MTHFD1L: variants seen among roughly 807,000 people sequenced by gnomAD.
MTHFD1L encodes methylenetetrahydrofolate dehydrogenase (NADP+ dependent) 1 like.
A neutral mutation model predicts 119.5 loss-of-function variants in MTHFD1L; 81 were observed. The observed-to-expected ratio is 0.68, with a 90% CI of 0.57 to 0.82. The LOEUF (loss-of-function observed/expected upper bound fraction) is 0.82. MTHFD1L is among the 40% of genes least tolerant of loss of function. The pLI is 0.00. For synonymous variants in MTHFD1L, 430 were observed against 475.2 expected (o/e 0.90, Z 1.24); for missense variants, 1,125 against 1,253.4 (o/e 0.90, Z 1.55).
intron 6 of MTHFD1L, 77 bp from the exon 7 acceptor site, chr6:150,887,768 T>G (rs1782560216): frequency 6.9e-7 from 1 of 1,459,728 alleles, no homozygotes; most frequent in Non-Finnish European, 9.1e-7. Flanking sequence ...AAAAGGGTCT[T>G]TTTTTCTTAA....
At chr6:150,938,798 T>A in intron 13 of MTHFD1L, 53 bp downstream of exon 13, 1 of 1,560,158 alleles carries the variant, frequency 6.4e-7, no homozygotes, top group Non-Finnish European at 8.7e-7. Context: ...CTTCCTGACA[T>A]CTTGTCTCTG....
chr6:150,951,491 T>C (rs1180474199), intron 16 of MTHFD1L, among the ~76,000 whole-genome samples: 1 of 152,244 alleles, frequency 6.6e-6, no homozygotes, highest in Non-Finnish European at 1.5e-5. Context: ...ACTCTAGTTA[T>C]AACTTTAGTG....
chr6:150,935,426 G>A, intron 11 of MTHFD1L: 1 of 1,613,628 alleles, frequency 6.2e-7, no homozygotes, highest in African/African-American at 1.3e-5. Flanking sequence ...GTTAGCAATG[G>A]GTGAACTGAG....
chr6:150,944,439 C>T (rs1035621909), intron 13 of MTHFD1L, 47 bp from the exon 14 acceptor site: 63 of 1,402,622 alleles, frequency 4.5e-5, no homozygotes, highest in Non-Finnish European at 5.9e-5. Flanking sequence ...CAAAGCGAGA[C>T]CCTATTTCTG....
chr6:150,961,111 T>TC (rs1491400854), intron 18 of MTHFD1L, among the ~76,000 whole-genome samples: 6 of 130,150 alleles, frequency 4.6e-5, no homozygotes, highest in Non-Finnish European at 1.0e-4. Flanking sequence ...TTTTTTTTTT[T>TC]CTGAGACAGT....
At chr6:150,868,552 T>C (rs1294098790) in intron 1 of MTHFD1L, among the ~76,000 whole-genome samples, 1 of 152,014 alleles carries the variant, frequency 6.6e-6, no homozygotes, top group South Asian at 2.1e-4. Flanking sequence ...TTGGCCAGGC[T>C]GGTCTCAAAC....
intron 4 of MTHFD1L, among the ~76,000 whole-genome samples, chr6:150,881,071 T>C (rs1781321242): frequency 6.6e-6 from 1 of 152,248 alleles, no homozygotes; most frequent in Non-Finnish European, 1.5e-5. Flanking sequence ...TGCTTTGCTA[T>C]GAAGAATGTT....
At chr6:150,956,233 CA>C (rs540275624) in intron 17 of MTHFD1L, among the ~76,000 whole-genome samples, 162 bp downstream of exon 17, 100 of 152,322 alleles carry the variant, frequency 6.6e-4, no homozygotes, top group African/African-American at 2.2e-3. Flanking sequence ...GATCAGAAGA[CA>C]TAGAGGCTCC....
chr6:150,935,413 A>G, intron 11 of MTHFD1L: 1 of 1,613,906 alleles, frequency 6.2e-7, no homozygotes, highest in South Asian at 1.1e-5. Context: ...AAATTGAGAA[A>G]TTGTTAGCAA....
At chr6:150,949,260 TC>T in intron 16 of MTHFD1L, 127 bp downstream of exon 16, 1 of 692,174 alleles carries the variant, frequency 1.4e-6, no homozygotes. Context: ...TGCTTCATAT[TC>T]CCACCATTTA....
At chr6:150,879,904 C>T (rs903077550) in intron 4 of MTHFD1L, among the ~76,000 whole-genome samples, 4 of 152,160 alleles carry the variant, frequency 2.6e-5, no homozygotes, top group Non-Finnish European at 5.9e-5. Context: ...GCTGGGATTA[C>T]AGGTATGAGC....
chr6:151,064,591 G>A (rs1791015826), intron 26 of MTHFD1L, among the ~76,000 whole-genome samples: 3 of 152,096 alleles, frequency 2.0e-5, no homozygotes, highest in Admixed American at 2.0e-4. Context: ...GGAATTATAG[G>A]CATGAGCCGC....
chr6:150,882,624 A>T, intron 4 of MTHFD1L, 138 bp from the exon 5 acceptor site: 1 of 600,602 alleles, frequency 1.7e-6, no homozygotes, highest in Non-Finnish European at 2.6e-6. Flanking sequence ...CTTTACACCA[A>T]GTTTCCAACA....
At chr6:150,871,741 A>C (rs1779560864) in intron 1 of MTHFD1L, among the ~76,000 whole-genome samples, 1 of 151,306 alleles carries the variant, frequency 6.6e-6, no homozygotes, top group South Asian at 2.1e-4. Context: ...TGACCTTGTG[A>C]TCCGCCCACT....
rs567087802 is a variant in MTHFD1L at position 151,049,409 on chromosome 6, G to A, written c.2847+12292G>A. ...CAGGAGGCTGAGGCAGGAGAATGGC[G>A]TGAACCCGGGAGGCGGAGCTTGCAG... On this transcript the variant is annotated intron_variant, in intron 26 of 27. Transcript: ENST00000367321. Among the ~76,000 whole-genome samples the A allele has an allele frequency of 3.1e-4, 47 of 151,666 alleles. No homozygotes were observed. In the East Asian group the frequency reaches 8.7e-3, roughly 28 times the overall value.
At chr6:150,997,390 G>T (rs768559042) in intron 20 of MTHFD1L, among the ~76,000 whole-genome samples, 1 of 152,186 alleles carries the variant, frequency 6.6e-6, no homozygotes, top group African/African-American at 2.4e-5. Flanking sequence ...CATTTTTGCT[G>T]TCCGGCTCCA....
chr6:151,009,173 A>G (rs550224408), intron 20 of MTHFD1L, among the ~76,000 whole-genome samples: 11 of 151,918 alleles, frequency 7.2e-5, no homozygotes, highest in Admixed American at 6.6e-4. Context: ...TTGTAATCAT[A>G]CTATCATTGC....
intron 24 of MTHFD1L, among the ~76,000 whole-genome samples, chr6:151,030,594 C>T (rs1471262249): frequency 2.6e-5 from 4 of 152,226 alleles, no homozygotes; most frequent in Non-Finnish European, 5.9e-5. Context: ...GAGTGCCCAG[C>T]AACATAGGCT....
Position 150,872,957 on chromosome 6 carries a change from C to T in MTHFD1L, c.228-3133C>T, listed in dbSNP as rs139309845. On this transcript the variant is annotated intron_variant, in intron 1 of 27. Coordinates refer to ENST00000367321, the MANE Select transcript of MTHFD1L (RefSeq NM_015440.5). ...GATTACAGGCATGAGCCACTGCGCC[C>T]AGCCCCCATCCCCAACTATTTTAAA... Among the ~76,000 whole-genome samples the T allele has an allele frequency of 7.5e-3, 1,137 of 152,102 alleles. 18 individuals carry two copies. The highest frequency in any genetic ancestry group is 0.026 in the African/African-American group (1,073 of 41,498).
Sources: gnomAD v4.1 joint callset for allele counts (sites outside exome capture counted in the v4.1 genomes callset) on GRCh38, gnomAD v4.1.1 for gene constraint, MANE v1.5 for transcripts, NCBI Gene and HGNC (gene_info 2026-07-23, HGNC 2026-07-21) for gene names.